SDK1: variants seen among roughly 807,000 people sequenced by gnomAD.
The protein encoded by SDK1 is protein sidekick-1.
SDK1 carries 157 observed loss-of-function variants against 245.5 expected under a neutral mutation model. The ratio of observed to expected loss-of-function variants is 0.64; its 90% confidence interval spans 0.56 to 0.73. The LOEUF is 0.73. Ranked by LOEUF, SDK1 falls within the 30% of genes least tolerant of loss-of-function variation. SDK1 has a pLI of 0.00. For missense variants in SDK1, 3,583 were observed against 3,002.3 expected (o/e 1.19, Z -4.52); for synonymous variants, 1,647 against 1,278.5 (o/e 1.29, Z -6.15).
At chr7:3,663,539 G>T (rs1477086086) in intron 4 of SDK1, among the ~76,000 whole-genome samples, 1 of 152,184 alleles carries the variant, frequency 6.6e-6, no homozygotes, top group Non-Finnish European at 1.5e-5. Flanking sequence ...ACAATGATGG[G>T]TAAGATGAGA....
At position 3,730,870 on chromosome 7, in the gene SDK1, C is replaced by G. The variant is rs77577270; in HGVS notation, c.713+88765C>G. ...TGAAGATTCTGCTTTGGCTCCCAGA[C>G]TAGAGACCCTTTTGCATCTTTGCCA... On this transcript the variant is annotated intron_variant, in intron 4 of 44. Transcript: ENST00000404826. Among the ~76,000 whole-genome samples, 817 of 152,274 alleles carry G rather than the reference C, an allele frequency of 5.4e-3. 6 individuals carry two copies. The highest frequency in any genetic ancestry group is 0.018 in the African/African-American group (768 of 41,540).
intron 1 of SDK1, among the ~76,000 whole-genome samples, chr7:3,375,725 G>A (rs1366301170): frequency 1.3e-5 from 2 of 152,166 alleles, no homozygotes; most frequent in Non-Finnish European, 2.9e-5. Flanking sequence ...CCATGTGGGT[G>A]AGCCATCTGG....
intron 4 of SDK1, among the ~76,000 whole-genome samples, chr7:3,727,516 A>G (rs908173758): frequency 1.3e-5 from 2 of 151,914 alleles, no homozygotes; most frequent in Non-Finnish European, 1.5e-5. Context: ...TTTGAGACGG[A>G]GCCTCGCTCT....
intron 1 of SDK1, among the ~76,000 whole-genome samples, chr7:3,431,749 A>G (rs1404755318): frequency 6.6e-6 from 1 of 152,180 alleles, no homozygotes; most frequent in Non-Finnish European, 1.5e-5. Context: ...ACCTTGAGAA[A>G]GGACCTTAAC....
At chr7:3,569,972 G>C (rs1195543390) in intron 1 of SDK1, among the ~76,000 whole-genome samples, 1 of 151,942 alleles carries the variant, frequency 6.6e-6, no homozygotes, top group East Asian at 1.9e-4. Context: ...CTCTCACTTT[G>C]GCCTTAGGAC....
chr7:3,851,042 GCAT>G (rs1366694877), intron 5 of SDK1, among the ~76,000 whole-genome samples: 4 of 152,004 alleles, frequency 2.6e-5, no homozygotes, highest in African/African-American at 9.6e-5. Flanking sequence ...TTATTTCTAA[GCAT>G]CCTCTGAGTT....
intron 1 of SDK1, among the ~76,000 whole-genome samples, chr7:3,343,851 C>T (rs1053116042): frequency 6.6e-6 from 1 of 151,752 alleles, no homozygotes; most frequent in African/African-American, 2.4e-5. Context: ...CAAAAAGATA[C>T]CATACAAACA....
chr7:3,785,095 G>C lies in SDK1; in HGVS notation c.714-36355G>C, dbSNP rs137930648. On this transcript the variant is annotated intron_variant, in intron 4 of 44. Transcript: ENST00000404826. ...GAGAGCGTTATCCTCAGTGAAAGAA[G>C]CCAGGCACAGAAAGACAAATATCAC... Among the ~76,000 whole-genome samples the C allele has an allele frequency of 2.2e-3, 332 of 152,272 alleles. 3 individuals are homozygous for C. Among genetic ancestry groups the C allele is most frequent in the African/African-American group, 7.6e-3 (316 of 41,544 alleles).
At chr7:3,362,760 A>G (rs1195572200) in intron 1 of SDK1, among the ~76,000 whole-genome samples, 1 of 152,190 alleles carries the variant, frequency 6.6e-6, no homozygotes, top group Non-Finnish European at 1.5e-5. Flanking sequence ...AGACATTTTC[A>G]TGTACCATGT....
intron 1 of SDK1, among the ~76,000 whole-genome samples, chr7:3,326,860 C>A (rs1779952668): frequency 6.6e-6 from 1 of 152,028 alleles, no homozygotes; most frequent in Admixed American, 6.6e-5. Flanking sequence ...CCTGTGATAC[C>A]TCACTTTTAT....
chr7:4,171,156 G>T (rs1026649424), intron 32 of SDK1, among the ~76,000 whole-genome samples: 1 of 152,216 alleles, frequency 6.6e-6, no homozygotes, highest in Non-Finnish European at 1.5e-5. Context: ...AAAGGGGTCA[G>T]TGGCCACAGG....
intron 2 of SDK1, among the ~76,000 whole-genome samples, chr7:3,637,084 C>T (rs765230276): frequency 4.7e-5 from 7 of 148,694 alleles, no homozygotes; most frequent in African/African-American, 7.5e-5. Flanking sequence ...AGTGCGTGCG[C>T]GCGTGTGTGT....
At chr7:3,406,994 A>G (rs1779071797) in intron 1 of SDK1, among the ~76,000 whole-genome samples, 1 of 152,158 alleles carries the variant, frequency 6.6e-6, no homozygotes, top group Non-Finnish European at 1.5e-5. Context: ...TGGATGAGGC[A>G]CAGAGAATTG....
chr7:3,841,635 C>T (rs571522233), intron 5 of SDK1, among the ~76,000 whole-genome samples: 59 of 151,830 alleles, frequency 3.9e-4, no homozygotes, highest in Non-Finnish European at 6.9e-4. Flanking sequence ...GGCGCAATCT[C>T]GGCTCACTGC....
chr7:3,971,485 C>G lies in SDK1; in HGVS notation c.1734C>G (p.His578Gln). 6.2e-7 allele frequency: 1 copy of G among 1,613,052 alleles called. No homozygotes were observed. Among genetic ancestry groups the G allele is most frequent in the South Asian group, 1.1e-5 (1 of 90,872 alleles). Reference sequence around the variant, plus strand: ...TTTCAGATCGGACGTCCATCGTCCACCCTCCTGAGGACCACGTGGTGATTA... The same window carrying G: ...TTTCAGATCGGACGTCCATCGTCCAGCCTCCTGAGGACCACGTGGTGATTA... ...LTVWNRTSIV[H>Q]PPEDHVVIKG... Residue 578 changes from histidine to glutamine, a missense_variant, in exon 12 of 45, where the codon CAC (histidine) becomes CAG (glutamine). By Grantham distance (24) the His-to-Gln change is conservative. Transcript: ENST00000404826.
At chr7:3,945,775 C>T (rs554480378) in intron 5 of SDK1, among the ~76,000 whole-genome samples, 1 of 151,112 alleles carries the variant, frequency 6.6e-6, no homozygotes, top group South Asian at 2.1e-4. Context: ...GGCAGGAGCC[C>T]GTAATCCCAG....
At chr7:4,033,871 C>G (rs1310676068) in intron 17 of SDK1, among the ~76,000 whole-genome samples, 1 of 152,098 alleles carries the variant, frequency 6.6e-6, no homozygotes, top group Non-Finnish European at 1.5e-5. Flanking sequence ...TTAATTCAAT[C>G]CAAACACATC....
chr7:3,392,581 C>G (rs901631919), intron 1 of SDK1, among the ~76,000 whole-genome samples: 7 of 152,136 alleles, frequency 4.6e-5, no homozygotes, highest in African/African-American at 7.2e-5. Flanking sequence ...TCATTTCAAA[C>G]AGAAACTGCA....
intron 4 of SDK1, among the ~76,000 whole-genome samples, chr7:3,772,241 AT>A (rs61115244): frequency 0.012 from 1,717 of 148,464 alleles, 21 homozygotes; most frequent in African/African-American, 0.029. Flanking sequence ...ACATGTTTGA[AT>A]TTTTTTCTTT....
Sources: allele counts gnomAD v4.1 joint callset (sites outside exome capture counted in the v4.1 genomes callset), GRCh38; gene constraint gnomAD v4.1.1; transcripts MANE v1.5; gene names NCBI Gene and HGNC (gene_info 2026-07-23, HGNC 2026-07-21).